NUDT3: variants seen among roughly 807,000 people sequenced by gnomAD.
NUDT3 encodes the protein diphosphoinositol polyphosphate phosphohydrolase 1.
Under a neutral mutation model 23.6 loss-of-function variants are expected in NUDT3, and 9 were observed. The ratio of observed to expected loss-of-function variants is 0.38; its 90% confidence interval spans 0.23 to 0.66. NUDT3 has a LOEUF of 0.66. NUDT3 is among the 30% of genes least tolerant of loss of function. NUDT3 has a pLI of 0.52. For missense variants in NUDT3, 172 were observed against 218.5 expected, an observed-to-expected ratio of 0.79 and a Z score of 1.34; for synonymous variants, 86 against 82.6, an observed-to-expected ratio of 1.04 and a Z score of -0.22.
chr6:34,375,329 G>A (rs1398965434), intron 1 of NUDT3, among the ~76,000 whole-genome samples: 1 of 152,000 alleles, frequency 6.6e-6, no homozygotes, highest in African/African-American at 2.4e-5. Context: ...GGGCGACAGA[G>A]TAAGACTCTG....
chr6:34,388,536 G>A (rs1010927323), intron 1 of NUDT3, among the ~76,000 whole-genome samples: 20 of 152,150 alleles, frequency 1.3e-4, no homozygotes, highest in African/African-American at 4.6e-4. Context: ...CATCTACTGA[G>A]AACATAAAAG....
intron 2 of NUDT3, among the ~76,000 whole-genome samples, chr6:34,334,780 T>A (rs1013559299): frequency 6.6e-6 from 1 of 151,316 alleles, no homozygotes; most frequent in Non-Finnish European, 1.5e-5. Context: ...ATAATAATAA[T>A]AAATTAGCCA....
chr6:34,342,012 C>A (rs1397090660), intron 1 of NUDT3, 40 bp from the exon 2 acceptor site: 2 of 1,572,020 alleles, frequency 1.3e-6, no homozygotes, highest in South Asian at 1.1e-5. Context: ...GTTAAAAATT[C>A]AAAGACACAT....
intron 2 of NUDT3, among the ~76,000 whole-genome samples, chr6:34,319,758 T>G (rs893155650): frequency 6.6e-6 from 1 of 152,218 alleles, no homozygotes; most frequent in African/African-American, 2.4e-5. Context: ...TTTCTTCCTC[T>G]AACATATGGG....
chr6:34,296,523 G>A (rs867372514), intron 2 of NUDT3, among the ~76,000 whole-genome samples: 7 of 135,594 alleles, frequency 5.2e-5, no homozygotes, highest in African/African-American at 1.9e-4. Context: ...GCAGTGAGCC[G>A]AGATCACACC....
At chr6:34,382,172 G>C (rs547645528) in intron 1 of NUDT3, among the ~76,000 whole-genome samples, 68 of 151,914 alleles carry the variant, frequency 4.5e-4, no homozygotes, top group African/African-American at 1.6e-3. Flanking sequence ...CAAGGAGGGA[G>C]GATCACTTGA....
chr6:34,378,574 T>C (rs1764963593), intron 1 of NUDT3, among the ~76,000 whole-genome samples: 1 of 152,114 alleles, frequency 6.6e-6, no homozygotes, highest in Non-Finnish European at 1.5e-5. Context: ...ATAGGACCAA[T>C]CTTAGAAGAT....
intron 1 of NUDT3, among the ~76,000 whole-genome samples, chr6:34,391,488 G>T (rs957790824): frequency 2.0e-5 from 3 of 152,094 alleles, no homozygotes; most frequent in African/African-American, 7.2e-5. Flanking sequence ...ATTATAAAAA[G>T]AAACTGATTC....
At position 34,365,390 on chromosome 6, in the gene NUDT3, C is replaced by G. The variant is rs1764711771; in HGVS notation, c.100-23418G>C. On this transcript the variant is annotated intron_variant, in intron 1 of 4. Transcript: ENST00000607016. ...GTTGCAGTGAACCAAGATCGCGCCA[C>G]TGCACTCCAGCCTGGCAACAGAGCA... 2.6e-5 allele frequency among the ~76,000 whole-genome samples: 4 copies of G among 152,098 alleles called. No homozygotes were observed. In the South Asian group the frequency reaches 8.3e-4, roughly 32 times the overall value.
intron 1 of NUDT3, among the ~76,000 whole-genome samples, chr6:34,382,173 G>C (rs1765031120): frequency 6.6e-6 from 1 of 151,682 alleles, no homozygotes; most frequent in African/African-American, 2.4e-5. Context: ...AAGGAGGGAG[G>C]ATCACTTGAG....
chr6:34,389,938 T>A (rs1237207318), intron 1 of NUDT3, among the ~76,000 whole-genome samples: 1 of 147,694 alleles, frequency 6.8e-6, no homozygotes, highest in Non-Finnish European at 1.5e-5. Flanking sequence ...CACTCCACCA[T>A]GGGCGACAGA....
intron 1 of NUDT3, among the ~76,000 whole-genome samples, chr6:34,369,568 G>T (rs1028232012): frequency 7.2e-5 from 11 of 152,142 alleles, no homozygotes; most frequent in Admixed American, 6.6e-5. Context: ...ACGTCAAACA[G>T]CGATAGGTAC....
chr6:34,309,251 A>C (rs1303771043), intron 2 of NUDT3, among the ~76,000 whole-genome samples: 3 of 152,160 alleles, frequency 2.0e-5, no homozygotes, highest in African/African-American at 7.2e-5. Context: ...CAATAACTGA[A>C]AGATTGCTGG....
intron 1 of NUDT3, among the ~76,000 whole-genome samples, chr6:34,343,152 A>G (rs1244978813): frequency 6.6e-6 from 1 of 152,198 alleles, no homozygotes; most frequent in Non-Finnish European, 1.5e-5. Context: ...CTATTTTTCA[A>G]ATATATTTAT....
chr6:34,285,995 T>C lies in NUDT3; in HGVS notation c.*2758A>G, dbSNP rs550378235. The C allele has an allele frequency of 9.8e-5, 15 of 152,294 alleles. No individual in the cohort carries two copies. Among genetic ancestry groups the C allele is most frequent in the African/African-American group, 3.6e-4 (15 of 41,558 alleles). The allele number at this position is 152,294 out of a possible 1,614,324, so 9.4% of individuals were successfully genotyped here. A position where few individuals can be genotyped will look rare whatever the true frequency, so the allele number is the denominator to read the frequency against. On this transcript the variant is annotated 3_prime_UTR_variant, in exon 5 of 5. Coordinates refer to ENST00000607016, the MANE Select transcript of NUDT3 (RefSeq NM_006703.4). Reference sequence around the variant, plus strand: ...AACAATCAAAACTGCACTTTCAGGGTAGTATATTGTTACACTAGCCCAGTC... The same window carrying C: ...AACAATCAAAACTGCACTTTCAGGGCAGTATATTGTTACACTAGCCCAGTC...
chr6:34,322,443 A>G (rs905702002), intron 2 of NUDT3, among the ~76,000 whole-genome samples: 2 of 151,104 alleles, frequency 1.3e-5, no homozygotes, highest in African/African-American at 4.9e-5. Context: ...GTTAGCCAGG[A>G]TGGTCTTGAT....
At chr6:34,316,785 G>C (rs181530335) in intron 2 of NUDT3, among the ~76,000 whole-genome samples, 1 of 152,302 alleles carries the variant, frequency 6.6e-6, no homozygotes, top group East Asian at 1.9e-4. Flanking sequence ...AGAAAGAGAG[G>C]GGAGTGAGAG....
intron 2 of NUDT3, among the ~76,000 whole-genome samples, chr6:34,328,592 C>T (rs1170346914): frequency 6.6e-6 from 1 of 152,108 alleles, no homozygotes; most frequent in African/African-American, 2.4e-5. Flanking sequence ...GGTGCAATCA[C>T]AGCTCACTGC....
intron 1 of NUDT3, among the ~76,000 whole-genome samples, chr6:34,345,519 C>T (rs1278195013): frequency 1.3e-5 from 2 of 150,580 alleles, no homozygotes; most frequent in South Asian, 2.1e-4. Flanking sequence ...AAAAATGAAC[C>T]GGGTGTGGTG....
Sources: allele counts gnomAD v4.1 joint callset (sites outside exome capture counted in the v4.1 genomes callset), GRCh38; gene constraint gnomAD v4.1.1; transcripts MANE v1.5; gene names NCBI Gene and HGNC (gene_info 2026-07-23, HGNC 2026-07-21).